The following PCDHB15 variants were observed in gnomAD, a reference collection of about 807,000 sequenced individuals.
PCDHB15 encodes the protein protocadherin beta 15, also known as protocadherin beta-15.
For missense variants in PCDHB15, 1,032 were observed against 991.7 expected, an observed-to-expected ratio of 1.04 and a Z score of -0.55; for synonymous variants, 492 against 447.9, an observed-to-expected ratio of 1.10 and a Z score of -1.24.
Position 141,246,740 on chromosome 5 carries a change from G to A in PCDHB15, c.1162G>A (p.Asp388Asn). ...NGKMICSIQD[D>N]VPFKLKPSVE... is the part of the protein sequence containing the mutation. Reference sequence around the variant, plus strand: ...AAAAATGATTTGCTCAATTCAGGATGATGTTCCTTTTAAGCTAAAACCTTC... The same window carrying A: ...AAAAATGATTTGCTCAATTCAGGATAATGTTCCTTTTAAGCTAAAACCTTC... The change falls in exon 1 of 1, where the codon GAT becomes AAT. Residue 388 changes from aspartate to asparagine, a missense_variant. Physicochemically the swap from Asp to Asn is conservative, Grantham distance 23 (BLOSUM62 1). Transcript: ENST00000231173. 1.2e-6 allele frequency: 2 copies of A among 1,613,952 alleles called. No individual in the cohort carries two copies. The highest frequency in any genetic ancestry group is 1.7e-6 in the Non-Finnish European group (2 of 1,179,844).
In PCDHB15 at chr5:141,248,013, A is replaced by C; in HGVS notation, c.*71A>C. On this transcript the variant is annotated 3_prime_UTR_variant, in exon 1 of 1. Coordinates refer to ENST00000231173, the MANE Select transcript of PCDHB15 (RefSeq NM_018935.4). ...TCACTTTTCACCTTAGTTTTTTTTA[A>C]CCCTTTAGTAATCTTGAATTCTACT... 2 of 1,403,958 alleles carry C rather than the reference A, an allele frequency of 1.4e-6. No homozygotes were observed. Among genetic ancestry groups the C allele is most frequent in the Non-Finnish European group, 1.9e-6 (2 of 1,047,248 alleles). The allele number at this position is 1,403,958 out of a possible 1,614,324, so 87.0% of individuals were successfully genotyped here.
In PCDHB15 at chr5:141,247,613, G is replaced by A; in HGVS notation, c.2035G>A (p.Ala679Thr). 6.2e-7 allele frequency: 1 copy of A among 1,610,236 alleles called. No individual in the cohort carries two copies. Among genetic ancestry groups the A allele is most frequent in the Non-Finnish European group, 8.5e-7 (1 of 1,179,794 alleles). The change falls in exon 1 of 1, where the codon GCC (alanine) becomes ACC (threonine). Residue 679 changes from alanine to threonine, a missense_variant. Coordinates refer to ENST00000231173, the MANE Select transcript of PCDHB15 (RefSeq NM_018935.4). ...CCTGCCGCTCCCAGAGGCGGCCCCG[G>A]CCCAAGCCCAGGCCGACTCGCTTAC... is the stretch of plus-strand genomic sequence containing the variant. The part of the protein sequence containing the change: ...PYLPLPEAAP[A>T]QAQADSLTVY...
At position 141,247,318 on chromosome 5, in the gene PCDHB15, C is replaced by T. The variant is rs782262834; in HGVS notation, c.1740C>T (p.Ala580=). Residue 580 remains alanine (A), a synonymous_variant, in exon 1 of 1, where the codon GCC becomes GCT. Transcript: ENST00000231173. ...APCTELVPRA[A]EPGYLVTKVV... ...GCACCGAGCTGGTGCCCCGGGCGGC[C>T]GAGCCGGGCTACCTGGTGACCAAGG... 4.9e-5 allele frequency: 78 copies of T among 1,607,826 alleles called. No individual in the cohort carries two copies. In the Admixed American group the frequency reaches 7.9e-4, roughly 16 times the overall value.
Position 141,246,442 on chromosome 5 carries a change from A to G in PCDHB15, c.864A>G (p.Ile288Met), listed in dbSNP as rs782654538. 4 of 1,614,208 alleles carry G rather than the reference A, an allele frequency of 2.5e-6. No individual in the cohort carries two copies. The highest frequency in any genetic ancestry group is 3.4e-6 in the Non-Finnish European group (4 of 1,180,024). ...CCCTTTATTACAGCTCTCAGGAGAT[A>G]GACAAACCTTTTGAGCTAAGCAGCC... Reference protein sequence around the residue: ...SYSLYYSSQEIDKPFELSSLS... With the variant: ...SYSLYYSSQEMDKPFELSSLS... The change falls in exon 1 of 1, where the codon ATA becomes ATG. Residue 288 changes from isoleucine (I) to methionine (M), a missense_variant. Physicochemically the swap from Ile to Met is conservative, Grantham distance 10. Coordinates refer to ENST00000231173, the MANE Select transcript of PCDHB15 (RefSeq NM_018935.4).
Position 141,247,955 on chromosome 5 carries a change from T to C in PCDHB15, c.*13T>C, listed in dbSNP as rs782091593. ...ATTTCTAGAATAATGTAGGTATCTG[T>C]AGCTTTCCGACCGTCTGTTAATTTT... On this transcript the variant is annotated 3_prime_UTR_variant, in exon 1 of 1. Coordinates refer to ENST00000231173, the MANE Select transcript of PCDHB15 (RefSeq NM_018935.4). 5.4e-5 allele frequency: 84 copies of C among 1,560,188 alleles called. No homozygotes were observed. Among genetic ancestry groups the C allele is most frequent in the Non-Finnish European group, 7.0e-5 (81 of 1,153,672 alleles).
chr5:141,247,144 G>A lies in PCDHB15; in HGVS notation c.1566G>A (p.Glu522=). The A allele has an allele frequency of 6.2e-7, 1 of 1,613,840 alleles. No homozygotes were observed. Among genetic ancestry groups the A allele is most frequent in the Non-Finnish European group, 8.5e-7 (1 of 1,179,898 alleles). ...HLFALQSLDY[E]ALQAFEFRVG... ...TCGCTCTCCAGTCGCTGGACTACGA[G>A]GCCCTGCAGGCTTTCGAGTTCCGCG... The change falls in exon 1 of 1, where the codon GAG becomes GAA. Residue 522 remains glutamate (E), a synonymous_variant. Coordinates refer to ENST00000231173, the MANE Select transcript of PCDHB15 (RefSeq NM_018935.4).
Position 141,246,262 on chromosome 5 carries a change from C to G in PCDHB15, c.684C>G (p.Ile228Met), listed in dbSNP as rs781939214. The change falls in exon 1 of 1, where the codon ATC becomes ATG. Residue 228 changes from isoleucine to methionine, a missense_variant. Physicochemically the swap from Ile to Met is conservative, Grantham distance 10 (BLOSUM62 1). Transcript: ENST00000231173. ...GSPPRSGTVQILILVLDANDN... is the reference protein window; with the variant it reads ...GSPPRSGTVQMLILVLDANDN... Reference sequence around the variant, plus strand: ...CACCCCGATCTGGCACCGTCCAGATCCTCATCTTGGTCTTGGACGCCAATG... The same window carrying G: ...CACCCCGATCTGGCACCGTCCAGATGCTCATCTTGGTCTTGGACGCCAATG... The G allele has an allele frequency of 1.9e-6, 3 of 1,614,142 alleles. No homozygotes were observed. The highest frequency in any genetic ancestry group is 2.5e-6 in the Non-Finnish European group (3 of 1,180,030).
Position 141,246,659 on chromosome 5 carries a change from C to T in PCDHB15, c.1081C>T (p.Pro361Ser), listed in dbSNP as rs782688544. Residue 361 changes from proline to serine, a missense_variant, in exon 1 of 1, where the codon CCA becomes TCA. Pro to Ser is a moderately conservative substitution (Grantham distance 74, BLOSUM62 -1). Transcript: ENST00000231173. Reference protein sequence around the residue: ...SLTSPIPENSPETEVALFRIR... With the variant: ...SLTSPIPENSSETEVALFRIR... ...TACCAGCCCTATTCCCGAGAATTCT[C>T]CAGAGACAGAAGTGGCCCTGTTTAG... The T allele has an allele frequency of 1.9e-6, 3 of 1,614,026 alleles. No individual in the cohort carries two copies. The South Asian group carries it at 3.3e-5, about 18-fold the overall frequency.
rs782670350 is a variant in PCDHB15 at position 141,245,668 on chromosome 5, C to T, written c.90C>T (p.Pro30=). The T allele has an allele frequency of 6.8e-6, 11 of 1,614,224 alleles. No homozygotes were observed. The highest frequency in any genetic ancestry group is 9.3e-6 in the Non-Finnish European group (11 of 1,180,038). Residue 30 remains proline, a synonymous_variant, in exon 1 of 1, where the codon CCC becomes CCT. Transcript: ENST00000231173. ...AAGTGACTCTGGCAGGCTGGGAACC[C>T]CGTCGCTATTCTGTGATGGAGGAAA... ...LLEVTLAGWE[P]RRYSVMEETE...
At position 141,247,552 on chromosome 5, in the gene PCDHB15, G is replaced by A. The variant is rs528923384; in HGVS notation, c.1974G>A (p.Leu658=). 1.5e-4 allele frequency: 247 copies of A among 1,609,136 alleles called. 1 individual carries two copies. In the South Asian group the frequency reaches 2.6e-3, roughly 17 times the overall value. ...CTCCGCGCTCGGCCACCGCCACGCT[G>A]CAAGTGCTCCTGGTGGACGGCTTCT... ...GEPPRSATAT[L]QVLLVDGFSQ... is the part of the protein sequence containing the mutation. Residue 658 remains leucine, a synonymous_variant, in exon 1 of 1, where the codon CTG becomes CTA. Transcript: ENST00000231173.
In PCDHB15 at chr5:141,247,832, G is replaced by C; in HGVS notation, c.2254G>C (p.Glu752Gln). The C allele has an allele frequency of 6.2e-7, 1 of 1,614,226 alleles. No homozygotes were observed. The highest frequency in any genetic ancestry group is 8.5e-7 in the Non-Finnish European group (1 of 1,180,042). Residue 752 changes from glutamate to glutamine, a missense_variant, in exon 1 of 1, where the codon GAG (glutamate) becomes CAG (glutamine). Transcript: ENST00000231173. ...TGTLSQSYQY[E>Q]VCLTGGSESN... ...GACCCTTTCCCAGAGCTACCAGTACGAGGTGTGTCTGACGGGAGGCTCTGA... is the reference window on the plus strand; with the variant it reads ...GACCCTTTCCCAGAGCTACCAGTACCAGGTGTGTCTGACGGGAGGCTCTGA...
chr5:141,247,150 G>A lies in PCDHB15; in HGVS notation c.1572G>A (p.Leu524=), dbSNP rs141887199. 1.2e-6 allele frequency: 2 copies of A among 1,613,794 alleles called. No homozygotes were observed. The highest frequency in any genetic ancestry group is 8.5e-7 in the Non-Finnish European group (1 of 1,179,882). ...FALQSLDYEA[L]QAFEFRVGAT... ...TCCAGTCGCTGGACTACGAGGCCCT[G>A]CAGGCTTTCGAGTTCCGCGTGGGCG... The change falls in exon 1 of 1, where the codon CTG becomes CTA. Residue 524 remains leucine (L), a synonymous_variant. Transcript: ENST00000231173.
Position 141,247,534 on chromosome 5 carries a change from C to T in PCDHB15, c.1956C>T (p.Arg652=). The part of the protein sequence containing the change: ...VLVKDNGEPP[R]SATATLQVLL... ...TCAAGGACAATGGCGAGCCTCCGCG[C>T]TCGGCCACCGCCACGCTGCAAGTGC... The change falls in exon 1 of 1, where the codon CGC becomes CGT. Residue 652 remains arginine (R), a synonymous_variant. Transcript: ENST00000231173. 1 of 1,608,522 alleles carries T rather than the reference C, an allele frequency of 6.2e-7. No homozygotes were observed. The highest frequency in any genetic ancestry group is 8.5e-7 in the Non-Finnish European group (1 of 1,179,756).
Position 141,245,791 on chromosome 5 carries a change from C to G in PCDHB15, c.213C>G (p.Asn71Lys), listed in dbSNP as rs782283194. The G allele has an allele frequency of 6.2e-6, 10 of 1,614,132 alleles. No homozygotes were observed. Among genetic ancestry groups the G allele is most frequent in the South Asian group, 4.4e-5 (4 of 91,074 alleles). Residue 71 changes from asparagine to lysine, a missense_variant, in exon 1 of 1, where the codon AAC becomes AAG. Transcript: ENST00000231173. Reference sequence around the variant, plus strand: ...GAGCCCGGGTAGTTTCTGAGGATAACGAACAAGGCTTGCAGCTTGATCTGC... The same window carrying G: ...GAGCCCGGGTAGTTTCTGAGGATAAGGAACAAGGCTTGCAGCTTGATCTGC... ...ERGARVVSED[N>K]EQGLQLDLQT...
chr5:141,245,694 CAGAG>C lies in PCDHB15; in HGVS notation c.121_124del (p.Arg41ValfsTer4). 6.2e-7 allele frequency: 1 copy of C among 1,614,174 alleles called. No individual in the cohort carries two copies. Among genetic ancestry groups the C allele is most frequent in the South Asian group, 1.1e-5 (1 of 91,080 alleles). ...CGTCGCTATTCTGTGATGGAGGAAA[CAGAG>C]AGAGGTTCTTTTGTAGCCAACCTGG... On this transcript the variant is annotated frameshift_variant, in exon 1 of 1. Transcript: ENST00000231173. LOFTEE classifies it low-confidence loss of function (END_TRUNC).
rs782135692 is a variant in PCDHB15 at position 141,247,771 on chromosome 5, C to T, written c.2193C>T (p.Pro731=). ...SVGRCSVPEG[P]FPGHLVDVSG... is the part of the protein sequence containing the mutation. ...GTCGCTGCTCGGTGCCCGAGGGCCC[C>T]TTTCCAGGGCATCTGGTGGACGTGA... Residue 731 remains proline (P), a synonymous_variant, in exon 1 of 1, where the codon CCC becomes CCT. Transcript: ENST00000231173. 1 of 1,614,212 alleles carries T rather than the reference C, an allele frequency of 6.2e-7. No individual in the cohort carries two copies. The highest frequency in any genetic ancestry group is 1.1e-5 in the South Asian group (1 of 91,090).
chr5:141,247,351 G>A lies in PCDHB15; in HGVS notation c.1773G>A (p.Ala591=), dbSNP rs781995329. ...GCTACCTGGTGACCAAGGTGGTGGC[G>A]GTGGACGGCGACTCGGGCCAGAACG... is the stretch of plus-strand genomic sequence containing the variant. The part of the protein sequence containing the change: ...EPGYLVTKVV[A]VDGDSGQNAW... Residue 591 remains alanine (A), a synonymous_variant, in exon 1 of 1, where the codon GCG becomes GCA. Transcript: ENST00000231173. 1.9e-6 allele frequency: 3 copies of A among 1,605,978 alleles called. No individual in the cohort carries two copies. The highest frequency in any genetic ancestry group is 2.5e-6 in the Non-Finnish European group (3 of 1,178,450).
chr5:141,246,283 C>T lies in PCDHB15; in HGVS notation c.705C>T (p.Ala235=). The change falls in exon 1 of 1, where the codon GCC becomes GCT. Residue 235 remains alanine, a synonymous_variant. Transcript: ENST00000231173. Reference sequence around the variant, plus strand: ...AGATCCTCATCTTGGTCTTGGACGCCAATGACAATGCCCCGGAGTTTGTGC... The same window carrying T: ...AGATCCTCATCTTGGTCTTGGACGCTAATGACAATGCCCCGGAGTTTGTGC... ...TVQILILVLD[A]NDNAPEFVQA... The T allele has an allele frequency of 6.2e-7, 1 of 1,614,104 alleles. No individual in the cohort carries two copies. The highest frequency in any genetic ancestry group is 8.5e-7 in the Non-Finnish European group (1 of 1,180,014).
In PCDHB15 at chr5:141,247,800, G is replaced by A. The variant is rs781865611; in HGVS notation, c.2222G>A (p.Gly741Asp). 2.0e-5 allele frequency: 33 copies of A among 1,614,222 alleles called. No individual in the cohort carries two copies. Among genetic ancestry groups the A allele is most frequent in the East Asian group, 1.1e-4 (5 of 44,880 alleles). The stretch of plus-strand genomic sequence containing the variant: ...CCAGGGCATCTGGTGGACGTGAGCG[G>A]CACCGGGACCCTTTCCCAGAGCTAC... Reference protein sequence around the residue: ...PFPGHLVDVSGTGTLSQSYQY... With the variant: ...PFPGHLVDVSDTGTLSQSYQY... The change falls in exon 1 of 1, where the codon GGC becomes GAC. Residue 741 changes from glycine to aspartate, a missense_variant. Transcript: ENST00000231173.
Sources: gnomAD v4.1 joint callset for allele counts on GRCh38, gnomAD v4.1.1 for gene constraint, MANE v1.5 for transcripts, NCBI Gene and HGNC (gene_info 2026-07-23, HGNC 2026-07-21) for gene names.